Variants in NDUFAF6 observed in about 807,000 individuals in gnomAD.
NDUFAF6 encodes the protein NADH:ubiquinone oxidoreductase complex assembly factor 6, also known as NADH dehydrogenase (ubiquinone) complex I, assembly factor 6.
In NDUFAF6, 45 loss-of-function variants were observed where a neutral mutation model predicts 40.8. That is an observed-to-expected ratio of 1.10 (90% CI 0.87 to 1.42). NDUFAF6 has a LOEUF of 1.42. Ranked by LOEUF, NDUFAF6 falls within the 40% of genes most tolerant of loss-of-function variation. The probability of loss-of-function intolerance (pLI) is 0.00; values close to 1 mark genes in which losing one functional copy is unlikely to be tolerated. For missense variants in NDUFAF6, 435 were observed against 418.5 expected, an observed-to-expected ratio of 1.04 and a Z score of -0.34; for synonymous variants, 185 against 155.9, an observed-to-expected ratio of 1.19 and a Z score of -1.39.
chr8:94,989,591 T>C (rs1450563812), intron 2 of NDUFAF6, among the ~76,000 whole-genome samples: 1 of 152,184 alleles, frequency 6.6e-6, no homozygotes, highest in Non-Finnish European at 1.5e-5. Context: ...ACTAATGAAC[T>C]GGGGGTCTGA....
At chr8:95,089,943 T>C (rs1320064264) in intron 2 of NDUFAF6, among the ~76,000 whole-genome samples, 1 of 152,178 alleles carries the variant, frequency 6.6e-6, no homozygotes, top group Non-Finnish European at 1.5e-5. Flanking sequence ...TACTGTACTT[T>C]CCTACTGTTT....
intron 5 of NDUFAF6, 59 bp downstream of exon 5, chr8:95,045,706 C>T: frequency 7.1e-7 from 1 of 1,400,920 alleles, no homozygotes; most frequent in Non-Finnish European, 1.0e-6. Flanking sequence ...TGAGATTTCA[C>T]TTTTTCATAA....
At chr8:95,002,217 T>G (rs543707772) in intron 2 of NDUFAF6, among the ~76,000 whole-genome samples, 4 of 152,340 alleles carry the variant, frequency 2.6e-5, no homozygotes, top group Admixed American at 6.5e-5. Context: ...GATAAAAATA[T>G]CTTTTGCTGT....
intron 2 of NDUFAF6, among the ~76,000 whole-genome samples, chr8:94,945,874 CCTCAATACAGAAAAGAAACAAAGTGT>C (rs1255699298): frequency 6.6e-6 from 1 of 152,102 alleles, no homozygotes; most frequent in Admixed American, 6.5e-5. Flanking sequence ...GAAAAGAACC[CCTCAATACAGAAAAGAAACAAAGTGT>C]CTGGGCCCTA....
intron 7 of NDUFAF6, among the ~76,000 whole-genome samples, chr8:95,051,287 A>G (rs1831397850): frequency 6.6e-6 from 1 of 152,220 alleles, no homozygotes; most frequent in Non-Finnish European, 1.5e-5. Flanking sequence ...GAATGTTCAG[A>G]GGAATAGAAC....
intron 7 of NDUFAF6, among the ~76,000 whole-genome samples, chr8:95,049,693 C>T (rs1204257091): frequency 6.6e-6 from 1 of 152,144 alleles, no homozygotes; most frequent in Non-Finnish European, 1.5e-5. Context: ...CCAGTTAGTG[C>T]TCAAATGTCA....
intron 5 of NDUFAF6, among the ~76,000 whole-genome samples, chr8:95,046,098 G>T (rs1587123788): frequency 6.7e-6 from 1 of 150,098 alleles, no homozygotes; most frequent in South Asian, 2.1e-4. Flanking sequence ...GTCTCGCTTT[G>T]TCCCCAGGCT....
At chr8:94,967,674 C>T (rs891811503) in intron 1 of NDUFAF6, among the ~76,000 whole-genome samples, 2 of 152,026 alleles carry the variant, frequency 1.3e-5, no homozygotes, top group African/African-American at 4.8e-5. Flanking sequence ...GGCGCGGTGG[C>T]TCACGTCTGT....
chr8:94,914,029 C>T (rs540257780), intron 1 of NDUFAF6, among the ~76,000 whole-genome samples: 3 of 151,412 alleles, frequency 2.0e-5, no homozygotes, highest in South Asian at 4.2e-4. Context: ...TAACCTCAAG[C>T]GATCTGCCCG....
At position 95,012,659 on chromosome 8, in the gene NDUFAF6, T is replaced by TAAATAAAC. The variant is rs756095212; in HGVS notation, c.-83-19329_-83-19328insCAAATAAA. Among the ~76,000 whole-genome samples, 566 of 151,348 alleles carry TAAATAAAC rather than the reference T, an allele frequency of 3.7e-3. 3 individuals are homozygous for TAAATAAAC. Among genetic ancestry groups the TAAATAAAC allele is most frequent in the Non-Finnish European group, 6.7e-3 (454 of 67,842 alleles). ...TCTGTCTCTAAAATAAATAAATAAA[T>TAAATAAAC]AAATAAATAAACAAATAAAAATTAG... On this transcript the variant is annotated intron_variant, in intron 2 of 9. Coordinates refer to the NDUFAF6 transcript ENST00000396111.
At chr8:94,988,179 C>CTGG (rs1209668980) in intron 2 of NDUFAF6, among the ~76,000 whole-genome samples, 2 of 152,200 alleles carry the variant, frequency 1.3e-5, no homozygotes, top group Admixed American at 1.3e-4. Context: ...CTTTGTCACC[C>CTGG]AGAGGTAACA....
chr8:94,951,620 G>A (rs1039085403), intron 2 of NDUFAF6, among the ~76,000 whole-genome samples: 2 of 152,228 alleles, frequency 1.3e-5, no homozygotes, highest in Non-Finnish European at 2.9e-5. Flanking sequence ...GTGCCTCAGG[G>A]CAGCATAGGT....
At chr8:95,004,996 T>A (rs1301759810) in intron 2 of NDUFAF6, among the ~76,000 whole-genome samples, 2 of 152,200 alleles carry the variant, frequency 1.3e-5, no homozygotes, top group Non-Finnish European at 2.9e-5. Context: ...CAGGTTAATG[T>A]GCAAGTAGTA....
intron 1 of NDUFAF6, among the ~76,000 whole-genome samples, chr8:94,900,729 G>C (rs1226580206): frequency 6.6e-6 from 1 of 152,222 alleles, no homozygotes; most frequent in African/African-American, 2.4e-5. Context: ...CCCAGAGCTT[G>C]AGTTCTGTTG....
At chr8:95,095,371 C>T (rs1248348657) in intron 2 of NDUFAF6, among the ~76,000 whole-genome samples, 1 of 152,184 alleles carries the variant, frequency 6.6e-6, no homozygotes, top group African/African-American at 2.4e-5. Context: ...TGGACACAGT[C>T]ATCCGAATGG....
chr8:95,012,020 G>A (rs1005494491), intron 2 of NDUFAF6, among the ~76,000 whole-genome samples: 5 of 152,178 alleles, frequency 3.3e-5, no homozygotes, highest in African/African-American at 1.2e-4. Flanking sequence ...AAGGGTAAGT[G>A]TATTTTGAAT....
chr8:95,037,577 G>T (rs932514267), intron 3 of NDUFAF6, among the ~76,000 whole-genome samples: 1 of 152,118 alleles, frequency 6.6e-6, no homozygotes, highest in African/African-American at 2.4e-5. Flanking sequence ...TAGTAGTGCC[G>T]AGAACACTTA....
At chr8:94,934,173 G>T (rs562005652) in intron 1 of NDUFAF6, among the ~76,000 whole-genome samples, 7 of 151,948 alleles carry the variant, frequency 4.6e-5, no homozygotes, top group African/African-American at 1.7e-4. Context: ...CAATCTGGAA[G>T]GATATACTCT....
intron 1 of NDUFAF6, among the ~76,000 whole-genome samples, chr8:94,922,138 G>C (rs1286949701): frequency 1.3e-5 from 2 of 151,950 alleles, no homozygotes; most frequent in Non-Finnish European, 2.9e-5. Flanking sequence ...CTCCCAAGTA[G>C]CTGGGACTAC....
Sources: gnomAD v4.1 joint callset for allele counts (sites outside exome capture counted in the v4.1 genomes callset) on GRCh38, gnomAD v4.1.1 for gene constraint, MANE v1.5 for transcripts, NCBI Gene and HGNC (gene_info 2026-07-23, HGNC 2026-07-21) for gene names.